The following SRGAP3 variants were observed in gnomAD, a reference collection of about 807,000 sequenced individuals.
The protein encoded by SRGAP3 is SLIT-ROBO Rho GTPase-activating protein 3.
A neutral mutation model predicts 121.1 loss-of-function variants in SRGAP3; 39 were observed. The ratio of observed to expected loss-of-function variants is 0.32; its 90% CI spans 0.25 to 0.42. SRGAP3 has a LOEUF of 0.42. SRGAP3 is among the 10% of genes least tolerant of loss of function. SRGAP3 has a pLI of 1.00. For missense variants in SRGAP3, 1,213 were observed against 1,470.6 expected (o/e 0.82, Z 2.86); for synonymous variants, 601 against 570.0 (o/e 1.05, Z -0.77).
chr3:9,081,676 T>G (rs1161477373), intron 3 of SRGAP3, among the ~76,000 whole-genome samples: 1 of 152,276 alleles, frequency 6.6e-6, no homozygotes, highest in Non-Finnish European at 1.5e-5. Flanking sequence ...TGTAGTTTCA[T>G]TGACCACAGT....
rs1439881790 is a variant in SRGAP3 at position 9,216,005 on chromosome 3, CAGAT to C, written c.67+32876_67+32879del. Among the ~76,000 whole-genome samples, 3 of 152,304 alleles carry C rather than the reference CAGAT, an allele frequency of 2.0e-5. No individual in the cohort carries two copies. In the East Asian group the frequency reaches 5.8e-4, roughly 29 times the overall value. Reference sequence around the variant, plus strand: ...AACTCCCCTCAGACAGATAGACACACAGATAGATAGGCATATACACACATACACA... The same window carrying C: ...AACTCCCCTCAGACAGATAGACACACAGATAGGCATATACACACATACACA... On this transcript the variant is annotated intron_variant, in intron 1 of 21. Coordinates refer to ENST00000383836, the MANE Select transcript of SRGAP3 (RefSeq NM_014850.4).
At chr3:9,265,420 C>T (rs1419229667) in intron 3 of SRGAP3, among the ~76,000 whole-genome samples, 1 of 152,050 alleles carries the variant, frequency 6.6e-6, no homozygotes, top group East Asian at 1.9e-4. Flanking sequence ...AAGAGACTAC[C>T]ATCAGAGTGA....
chr3:9,344,743 T>A (rs1955854387), intron 1 of SRGAP3, among the ~76,000 whole-genome samples: 1 of 152,090 alleles, frequency 6.6e-6, no homozygotes, highest in South Asian at 2.1e-4. Context: ...TTCCTAATAT[T>A]AAAAAAATAT....
At chr3:9,159,838 C>T (rs1047973141) in intron 1 of SRGAP3, among the ~76,000 whole-genome samples, 3 of 152,022 alleles carry the variant, frequency 2.0e-5, no homozygotes, top group East Asian at 1.9e-4. Context: ...TCACCCTGCC[C>T]GTTATTTTTT....
intron 1 of SRGAP3, among the ~76,000 whole-genome samples, chr3:9,126,252 CA>C (rs777746343): frequency 9.1e-4 from 138 of 152,318 alleles, no homozygotes; most frequent in Middle Eastern, 6.8e-3. Context: ...GGAAAAAGAG[CA>C]ACTGCTCACT....
At chr3:9,046,612 C>T (rs1472071350) in intron 10 of SRGAP3, among the ~76,000 whole-genome samples, 1 of 152,182 alleles carries the variant, frequency 6.6e-6, no homozygotes, top group African/African-American at 2.4e-5. Flanking sequence ...AGGGCCAAAC[C>T]CTGACTTACA....
At chr3:9,053,288 C>T in intron 8 of SRGAP3, 64 bp from the exon 9 acceptor site, 1 of 1,512,346 alleles carries the variant, frequency 6.6e-7, no homozygotes, top group Non-Finnish European at 9.1e-7. Flanking sequence ...CACCTAAAGT[C>T]CCTTTCCCAG....
At chr3:9,294,821 C>A (rs1456252237) in intron 3 of SRGAP3, among the ~76,000 whole-genome samples, 2 of 151,132 alleles carry the variant, frequency 1.3e-5, no homozygotes, top group East Asian at 3.9e-4. Context: ...ACAGTAATCT[C>A]TTTATTTGAT....
intron 4 of SRGAP3, among the ~76,000 whole-genome samples, chr3:9,078,205 C>G (rs955025029): frequency 6.6e-6 from 1 of 152,002 alleles, no homozygotes; most frequent in Non-Finnish European, 1.5e-5. Flanking sequence ...TAGAGGGCAC[C>G]AAGAAGAGGA....
intron 3 of SRGAP3, among the ~76,000 whole-genome samples, chr3:9,281,081 C>T (rs768563939): frequency 6.6e-6 from 1 of 152,200 alleles, no homozygotes; most frequent in Non-Finnish European, 1.5e-5. Flanking sequence ...TATCTCGCCT[C>T]TCCACACTAA....
At chr3:9,190,875 C>T (rs1951732464) in intron 1 of SRGAP3, among the ~76,000 whole-genome samples, 1 of 152,124 alleles carries the variant, frequency 6.6e-6, no homozygotes, top group African/African-American at 2.4e-5. Flanking sequence ...GGAGGGGAGC[C>T]CCACTGCCTT....
intron 3 of SRGAP3, among the ~76,000 whole-genome samples, chr3:9,098,917 C>A (rs563999001): frequency 2.0e-5 from 3 of 152,254 alleles, no homozygotes; most frequent in East Asian, 3.9e-4. Context: ...CCCTGGGAGA[C>A]GGTGGAGATT....
chr3:9,274,114 T>C (rs1020508263), intron 3 of SRGAP3, among the ~76,000 whole-genome samples: 4 of 152,224 alleles, frequency 2.6e-5, no homozygotes, highest in Admixed American at 6.5e-5. Context: ...GCTATCTTTG[T>C]CACCTCAGTA....
At chr3:9,070,709 C>T (rs1398468780) in intron 4 of SRGAP3, among the ~76,000 whole-genome samples, 4 of 152,124 alleles carry the variant, frequency 2.6e-5, no homozygotes, top group Non-Finnish European at 5.9e-5. Context: ...AGGTACAGTT[C>T]TATTGCCTGT....
intron 17 of SRGAP3, among the ~76,000 whole-genome samples, chr3:9,011,578 GT>G (rs1215085906): frequency 6.6e-6 from 1 of 152,196 alleles, no homozygotes; most frequent in Non-Finnish European, 1.5e-5. Context: ...TCTCAGCTCA[GT>G]CTGCACTTCC....
At chr3:9,097,175 G>A (rs1197854310) in intron 3 of SRGAP3, among the ~76,000 whole-genome samples, 1 of 151,356 alleles carries the variant, frequency 6.6e-6, no homozygotes, top group Non-Finnish European at 1.5e-5. Flanking sequence ...TTTTTCTGTA[G>A]AGATGCGGTA....
At chr3:9,013,196 T>C (rs1458056672) in intron 17 of SRGAP3, 112 bp downstream of exon 17, 8 of 1,051,508 alleles carry the variant, frequency 7.6e-6, no homozygotes, top group South Asian at 2.8e-5. Flanking sequence ...AGAAAATGTA[T>C]ATGGAAGCAC....
chr3:9,288,653 C>A (rs956354729), intron 3 of SRGAP3, among the ~76,000 whole-genome samples: 1 of 151,300 alleles, frequency 6.6e-6, no homozygotes, highest in African/African-American at 2.4e-5. Flanking sequence ...GAGCTTACTG[C>A]AGCCTCCAAC....
intron 3 of SRGAP3, among the ~76,000 whole-genome samples, chr3:9,268,274 TAAG>T (rs1954403536): frequency 6.6e-6 from 1 of 151,574 alleles, no homozygotes; most frequent in South Asian, 2.1e-4. Context: ...AGTGCCCTTA[TAAG>T]AAGAGACCAG....
Sources: gnomAD v4.1 joint callset for allele counts (sites outside exome capture counted in the v4.1 genomes callset) on GRCh38, gnomAD v4.1.1 for gene constraint, MANE v1.5 for transcripts, NCBI Gene and HGNC (gene_info 2026-07-23, HGNC 2026-07-21) for gene names.